FMN1: variants seen among roughly 807,000 people sequenced by gnomAD.
FMN1 encodes formin-1.
A neutral mutation model predicts 132.4 loss-of-function variants in FMN1; 110 were observed. That is an observed-to-expected ratio of 0.83 (90% CI 0.71 to 0.97). FMN1 has a LOEUF of 0.97. Ranked by LOEUF, FMN1 falls within the 50% of genes least tolerant of loss-of-function variation. The probability of loss-of-function intolerance (pLI) is 0.00; values close to 1 mark genes in which losing one functional copy is unlikely to be tolerated. For missense variants in FMN1, 1,792 were observed against 1,705.3 expected (o/e 1.05, Z -0.90); for synonymous variants, 722 against 651.7 (o/e 1.11, Z -1.64).
chr15:33,170,877 G>A (rs1225876190), intron 3 of FMN1, among the ~76,000 whole-genome samples: 1 of 152,012 alleles, frequency 6.6e-6, no homozygotes, highest in Non-Finnish European at 1.5e-5. Flanking sequence ...CCACTACTAG[G>A]TATTTATCCA....
At chr15:33,054,670 A>C (rs537364258) in intron 6 of FMN1, among the ~76,000 whole-genome samples, 21 of 152,334 alleles carry the variant, frequency 1.4e-4, no homozygotes, top group Admixed American at 1.0e-3. Flanking sequence ...CACTTTGCAA[A>C]CATCAAAAAG....
intron 16 of FMN1, among the ~76,000 whole-genome samples, chr15:32,862,058 C>A (rs1359235255): frequency 6.6e-6 from 1 of 152,158 alleles, no homozygotes; most frequent in Non-Finnish European, 1.5e-5. Context: ...GAGCCACGCG[C>A]CCCGGAGGCC....
At chr15:32,828,045 C>G (rs2058412822) in intron 17 of FMN1, among the ~76,000 whole-genome samples, 1 of 152,224 alleles carries the variant, frequency 6.6e-6, no homozygotes, top group African/African-American at 2.4e-5. Context: ...GTAATCCCAG[C>G]ACTTTGGAAG....
intron 4 of FMN1, chr15:33,106,109 G>C (rs571692975): frequency 1.3e-5 from 2 of 152,212 alleles, no homozygotes; most frequent in Admixed American, 1.3e-4. Context: ...CGCTGGATCT[G>C]AATCTTATAA....
At chr15:33,179,074 T>C (rs1965609423) in intron 3 of FMN1, among the ~76,000 whole-genome samples, 1 of 152,184 alleles carries the variant, frequency 6.6e-6, no homozygotes, top group African/African-American at 2.4e-5. Context: ...ATCTTTACTT[T>C]CCAATAAACA....
intron 10 of FMN1, among the ~76,000 whole-genome samples, chr15:32,920,431 T>A (rs566748062): frequency 1.3e-5 from 2 of 152,178 alleles, no homozygotes; most frequent in Non-Finnish European, 2.9e-5. Context: ...CCTTTAGTGA[T>A]TCAGTGTTTT....
At chr15:33,052,209 G>A (rs345752) in intron 6 of FMN1, among the ~76,000 whole-genome samples, 62,919 of 152,164 alleles carry the variant, frequency 0.41, 13,231 homozygotes, top group Admixed American at 0.45. Flanking sequence ...CTATGCTGGT[G>A]TCTTAGCCTT....
chr15:32,935,862 G>A (rs373296009), intron 9 of FMN1, among the ~76,000 whole-genome samples: 8 of 152,042 alleles, frequency 5.3e-5, no homozygotes, highest in East Asian at 1.9e-4. Flanking sequence ...TCCTGACCTC[G>A]TGATCTGCCC....
At chr15:32,960,995 C>CAAA (rs539245532) in intron 9 of FMN1, among the ~76,000 whole-genome samples, 42 of 59,084 alleles carry the variant, frequency 7.1e-4, no homozygotes, top group African/African-American at 1.7e-3. Flanking sequence ...GACTCCGTCT[C>CAAA]AAAAAAAAAA....
chr15:32,951,413 C>T (rs952087644), intron 9 of FMN1, among the ~76,000 whole-genome samples: 8 of 136,666 alleles, frequency 5.9e-5, no homozygotes, highest in African/African-American at 1.7e-4. Context: ...TGCATAGCTG[C>T]GCCCCAGTGG....
intron 15 of FMN1, among the ~76,000 whole-genome samples, chr15:32,888,886 C>G (rs1336361133): frequency 6.9e-6 from 1 of 144,060 alleles, no homozygotes; most frequent in African/African-American, 2.7e-5. Context: ...GGAGATAGGG[C>G]CTTGCTTTGT....
chr15:32,898,907 A>G lies in FMN1; in HGVS notation c.3655-14T>C. The G allele has an allele frequency of 1.3e-6, 2 of 1,539,276 alleles. No individual in the cohort carries two copies. Among genetic ancestry groups the G allele is most frequent in the African/African-American group, 1.4e-5 (1 of 73,356 alleles). ...AATCCCATTATCCTAGGTTTAAAAG[A>G]GAAATGTACATGAAAATCATTCCCA... On this transcript the variant is annotated splice_polypyrimidine_tract_variant and intron_variant, in intron 14 of 20. Coordinates refer to ENST00000616417, the MANE Select transcript of FMN1 (RefSeq NM_001277313.2).
At chr15:33,082,176 G>A (rs1275344501) in intron 5 of FMN1, among the ~76,000 whole-genome samples, 13 of 151,426 alleles carry the variant, frequency 8.6e-5, no homozygotes, top group Admixed American at 7.9e-4. Flanking sequence ...CAGTTCAAGC[G>A]ATTCTTCTGC....
Position 33,125,856 on chromosome 15 carries a change from T to C in FMN1, c.1867+27192A>G, listed in dbSNP as rs1332959022. On this transcript the variant is annotated intron_variant, in intron 4 of 20. Transcript: ENST00000616417. ...TGCTTCATCAGTAATACTAAATCTC[T>C]AAATGTTTAACTTCTCAAGCATGAC... is the stretch of plus-strand genomic sequence containing the variant. 2.0e-5 allele frequency among the ~76,000 whole-genome samples: 3 copies of C among 152,234 alleles called. No individual in the cohort carries two copies. In the East Asian group the frequency reaches 5.8e-4, roughly 29 times the overall value.
chr15:33,097,631 TG>T (rs1357756065), intron 4 of FMN1, among the ~76,000 whole-genome samples: 1 of 152,000 alleles, frequency 6.6e-6, no homozygotes, highest in East Asian at 1.9e-4. Flanking sequence ...GGAAAAATAG[TG>T]GGGAGGAGGG....
At chr15:33,008,163 T>A in intron 6 of FMN1, 88 bp from the exon 7 acceptor site, 1 of 1,008,602 alleles carries the variant, frequency 9.9e-7, no homozygotes, top group Non-Finnish European at 1.5e-6. Context: ...ATAAACTGAC[T>A]AAAATAAATG....
At chr15:33,108,883 G>T (rs567872204) in intron 4 of FMN1, among the ~76,000 whole-genome samples, 1 of 152,088 alleles carries the variant, frequency 6.6e-6, no homozygotes, top group Non-Finnish European at 1.5e-5. Flanking sequence ...TTTGGCCTCT[G>T]TCAGTGACCT....
chr15:33,000,169 G>A (rs1224132587), intron 7 of FMN1, among the ~76,000 whole-genome samples: 1 of 152,220 alleles, frequency 6.6e-6, no homozygotes, highest in Non-Finnish European at 1.5e-5. Flanking sequence ...GGAGGCAGTG[G>A]CTGGACGTGA....
At chr15:33,098,712 T>C (rs1426040970) in intron 4 of FMN1, among the ~76,000 whole-genome samples, 1 of 152,088 alleles carries the variant, frequency 6.6e-6, no homozygotes, top group Non-Finnish European at 1.5e-5. Flanking sequence ...GAGGATGAGG[T>C]TGTGTCACTG....
Sources: allele counts gnomAD v4.1 joint callset (sites outside exome capture counted in the v4.1 genomes callset), GRCh38; gene constraint gnomAD v4.1.1; transcripts MANE v1.5; gene names NCBI Gene and HGNC (gene_info 2026-07-23, HGNC 2026-07-21).